Variants in TMEM181 observed in about 807,000 individuals in gnomAD.
TMEM181 encodes G protein-coupled receptor 178.
Under a neutral mutation model 71.9 loss-of-function variants are expected in TMEM181, and 39 were observed. That is an observed-to-expected ratio of 0.54 (90% CI 0.42 to 0.71). The LOEUF (loss-of-function observed/expected upper bound fraction) is 0.71, where lower values mean the gene tolerates loss of function less well. Ranked by LOEUF, TMEM181 falls within the 30% of genes least tolerant of loss-of-function variation. The pLI is 0.00. For synonymous variants in TMEM181, 245 were observed against 228.8 expected, an observed-to-expected ratio of 1.07 and a Z score of -0.64; for missense variants, 595 against 583.0, an observed-to-expected ratio of 1.02 and a Z score of -0.21.
At chr6:158,597,904 TGGG>T (rs1272087400) in intron 6 of TMEM181, among the ~76,000 whole-genome samples, 1 of 152,132 alleles carries the variant, frequency 6.6e-6, no homozygotes, top group South Asian at 2.1e-4. Context: ...ACCACCATAA[TGGG>T]GGCTAAGTTT....
At chr6:158,592,476 CTTT>C (rs11285085) in intron 6 of TMEM181, among the ~76,000 whole-genome samples, 1 of 148,126 alleles carries the variant, frequency 6.8e-6, no homozygotes, top group Admixed American at 6.7e-5. Context: ...GAGACCCCAT[CTTT>C]TTTTTTTTTC....
rs1377901946 is a variant in TMEM181 at position 158,566,770 on chromosome 6, G to C, written c.8+6538G>C. Among the ~76,000 whole-genome samples the C allele has an allele frequency of 5.3e-5, 8 of 151,604 alleles. No homozygotes were observed. In the South Asian group the frequency reaches 8.3e-4, roughly 16 times the overall value. On this transcript the variant is annotated intron_variant, in intron 1 of 16. Transcript: ENST00000684151. The stretch of plus-strand genomic sequence containing the variant: ...ATGGTGAGGAGTTGAGGGAGGTGAT[G>C]ATGAGGCTGTGGAGAGACCGACGGA...
chr6:158,631,249 C>T (rs1386978031), intron 15 of TMEM181, 74 bp from the exon 16 acceptor site: 2 of 1,504,006 alleles, frequency 1.3e-6, no homozygotes, highest in Non-Finnish European at 1.9e-6. Flanking sequence ...CTTCCTTTGT[C>T]CGGGACAGCA....
intron 10 of TMEM181, among the ~76,000 whole-genome samples, chr6:158,616,594 C>T (rs1463208764): frequency 6.6e-6 from 1 of 152,110 alleles, no homozygotes; most frequent in Non-Finnish European, 1.5e-5. Context: ...CAGTTTTTGC[C>T]CATTCAGTAT....
At chr6:158,551,030 G>A (rs893254327) in intron 1 of TMEM181, among the ~76,000 whole-genome samples, 1 of 148,346 alleles carries the variant, frequency 6.7e-6, no homozygotes, top group African/African-American at 2.5e-5. Flanking sequence ...GTGCAATCTC[G>A]GCTCACTGCA....
chr6:158,579,333 A>C (rs1345286605), intron 2 of TMEM181, among the ~76,000 whole-genome samples: 1 of 152,194 alleles, frequency 6.6e-6, no homozygotes, highest in Non-Finnish European at 1.5e-5. Flanking sequence ...TCACAATAAC[A>C]AACTGTGGAA....
At chr6:158,572,675 A>G (rs1782930354) in intron 1 of TMEM181, among the ~76,000 whole-genome samples, 1 of 152,194 alleles carries the variant, frequency 6.6e-6, no homozygotes, top group Admixed American at 6.5e-5. Context: ...GGCCCTTGAT[A>G]CAGGATGTTC....
chr6:158,629,817 A>G lies in TMEM181; in HGVS notation c.1280A>G (p.Tyr427Cys), dbSNP rs779127411. The G allele has an allele frequency of 2.5e-6, 4 of 1,613,240 alleles. No individual in the cohort carries two copies. In the African/African-American group the frequency reaches 4.0e-5, roughly 16 times the overall value. ...FVYSPSKNAL[Y>C]ESQLKDNPAF... ...TATTCTCCATCGAAGAATGCCCTCT[A>G]TGGTAAGCCACCCTGGGGTCTGGAC... is the stretch of plus-strand genomic sequence containing the variant. The change falls in exon 15 of 17, where the codon TAT (tyrosine) becomes TGT (cysteine). Residue 427 changes from tyrosine (Y) to cysteine (C), a missense_variant and splice_region_variant. Coordinates refer to ENST00000684151, the MANE Select transcript of TMEM181 (RefSeq NM_001376852.1).
intron 12 of TMEM181, 74 bp from the exon 13 acceptor site, chr6:158,625,629 G>GT (rs1391983356): frequency 2.2e-6 from 3 of 1,388,884 alleles, no homozygotes; most frequent in East Asian, 4.6e-5. Context: ...CTTAATTTTT[G>GT]TTTTTTATTT....
intron 6 of TMEM181, among the ~76,000 whole-genome samples, chr6:158,594,246 G>A (rs1338841711): frequency 2.6e-5 from 4 of 151,546 alleles, no homozygotes; most frequent in African/African-American, 9.7e-5. Context: ...TTACAGGTGC[G>A]CACCACTATG....
Position 158,548,035 on chromosome 6 carries a change from A to G in TMEM181, c.131+11170A>G, listed in dbSNP as rs1007079545. ...ACTGACATGGGGGCTCCTTCGCCCC[A>G]CGCTGACTGAACTGGCAGCCACAGG... is the stretch of plus-strand genomic sequence containing the variant. On this transcript the variant is annotated intron_variant, in intron 1 of 16. Coordinates refer to the TMEM181 transcript ENST00000367090. Among the ~76,000 whole-genome samples the G allele has an allele frequency of 5.9e-4, 90 of 152,078 alleles. 2 individuals carry two copies. The highest frequency in any genetic ancestry group is 5.8e-3 in the Admixed American group (89 of 15,256).
chr6:158,623,596 G>A lies in TMEM181; in HGVS notation c.943G>A (p.Gly315Arg), dbSNP rs188259608. 30 of 1,579,908 alleles carry A rather than the reference G, an allele frequency of 1.9e-5. No homozygotes were observed. Among genetic ancestry groups the A allele is most frequent in the Middle Eastern group, 1.7e-4 (1 of 5,946 alleles). The change falls in exon 11 of 17, where the codon GGA becomes AGA. Residue 315 changes from glycine (G) to arginine (R), a missense_variant. Transcript: ENST00000684151. ...AATGTACCAGTATCGAGTTGATACC[G>A]GAAATTTTCAGGTAAGGATTGTTAA... is the stretch of plus-strand genomic sequence containing the variant. ...DPMYQYRVDT[G>R]NFQGMKVFFM...
intron 1 of TMEM181, among the ~76,000 whole-genome samples, chr6:158,570,119 G>GA (rs1782721415): frequency 6.6e-6 from 1 of 151,854 alleles, no homozygotes; most frequent in South Asian, 2.1e-4. Context: ...TGCCCCGGGG[G>GA]ACGGGACCTC....
In TMEM181 at chr6:158,560,216, G is replaced by A; in HGVS notation, c.-9G>A. 1 of 984,832 alleles carries A rather than the reference G, an allele frequency of 1.0e-6. No homozygotes were observed. The highest frequency in any genetic ancestry group is 1.2e-6 in the Non-Finnish European group (1 of 829,746). 61.0% of individuals were successfully genotyped at this position (984,832 alleles called of 1,614,324 possible). Reference sequence around the variant, plus strand: ...GCGCGGGCCGGGGCCGAGGGCTCTGGGCGCCGAGATGGAGCCGTGAGTCCC... The same window carrying A: ...GCGCGGGCCGGGGCCGAGGGCTCTGAGCGCCGAGATGGAGCCGTGAGTCCC... On this transcript the variant is annotated 5_prime_UTR_variant, in exon 1 of 17. Transcript: ENST00000684151.
intron 10 of TMEM181, chr6:158,610,182 C>T (rs1785213901): frequency 8.8e-6 from 2 of 226,476 alleles, no homozygotes; most frequent in Admixed American, 4.1e-5. Flanking sequence ...GCATGGTGCA[C>T]TTGTAGGAGT....
intron 10 of TMEM181, among the ~76,000 whole-genome samples, chr6:158,609,097 C>CA (rs61268690): frequency 0.017 from 1,909 of 113,328 alleles, 12 homozygotes; most frequent in Middle Eastern, 0.047. Context: ...GACCTTGTCT[C>CA]AAAAAAAAAA....
chr6:158,582,128 G>T (rs1783518691), intron 3 of TMEM181, among the ~76,000 whole-genome samples: 1 of 152,166 alleles, frequency 6.6e-6, no homozygotes, highest in Non-Finnish European at 1.5e-5. Flanking sequence ...AGGGCCCTCT[G>T]CATAGCCTGT....
chr6:158,631,765 G>T, intron 16 of TMEM181, 45 bp from the exon 17 acceptor site: 2 of 1,544,602 alleles, frequency 1.3e-6, no homozygotes, highest in South Asian at 1.2e-5. Context: ...GGAAAATAAA[G>T]AGCTGTCAGA....
chr6:158,544,899 C>T (rs1461006100), intron 1 of TMEM181, among the ~76,000 whole-genome samples: 1 of 152,194 alleles, frequency 6.6e-6, no homozygotes, highest in East Asian at 1.9e-4. Context: ...AATTAAATTA[C>T]CCTAAATGTC....
Sources: allele counts gnomAD v4.1 joint callset (sites outside exome capture counted in the v4.1 genomes callset), GRCh38; gene constraint gnomAD v4.1.1; transcripts MANE v1.5; gene names NCBI Gene and HGNC (gene_info 2026-07-23, HGNC 2026-07-21).